Variants in NCAM2 observed in about 807,000 individuals in gnomAD.
NCAM2 encodes neural cell adhesion molecule 2.
In NCAM2, 30 loss-of-function variants were observed where a neutral mutation model predicts 98.1. That is an observed-to-expected ratio of 0.31 (90% CI 0.23 to 0.41). The LOEUF (loss-of-function observed/expected upper bound fraction) is 0.41. Among genes scored for constraint, NCAM2 ranks in the 10% least tolerant of loss-of-function variants. NCAM2 has a pLI of 1.00. For missense variants in NCAM2, 867 were observed against 1,005.8 expected (o/e 0.86, Z 1.87); for synonymous variants, 368 against 342.4 (o/e 1.07, Z -0.83).
chr21:21,057,157 T>C (rs1353310276), intron 1 of NCAM2, among the ~76,000 whole-genome samples: 1 of 151,396 alleles, frequency 6.6e-6, no homozygotes, highest in South Asian at 2.1e-4. Context: ...CTAAGAGGAG[T>C]TAAAATGCTT....
chr21:21,079,425 A>G (rs1213943663), intron 1 of NCAM2, among the ~76,000 whole-genome samples: 1 of 152,196 alleles, frequency 6.6e-6, no homozygotes, highest in Non-Finnish European at 1.5e-5. Context: ...AGGAATTTAT[A>G]TCTAGGGGGA....
At chr21:21,201,669 T>C (rs942644046) in intron 1 of NCAM2, among the ~76,000 whole-genome samples, 9 of 152,318 alleles carry the variant, frequency 5.9e-5, no homozygotes, top group African/African-American at 2.2e-4. Context: ...ATATTCATTG[T>C]TGTAATCTTC....
chr21:21,286,765 C>T (rs1450201765), intron 4 of NCAM2, among the ~76,000 whole-genome samples: 1 of 151,712 alleles, frequency 6.6e-6, no homozygotes, highest in East Asian at 1.9e-4. Context: ...TCATTAGTAC[C>T]TGGAGATTTA....
At chr21:21,259,111 G>A (rs1250995755) in intron 1 of NCAM2, among the ~76,000 whole-genome samples, 2 of 152,072 alleles carry the variant, frequency 1.3e-5, no homozygotes, top group African/African-American at 4.8e-5. Flanking sequence ...ACTTTTTGCG[G>A]TGGCTCCACT....
chr21:21,063,421 A>G (rs375314501), intron 1 of NCAM2, among the ~76,000 whole-genome samples: 18 of 151,746 alleles, frequency 1.2e-4, no homozygotes, highest in African/African-American at 4.1e-4. Context: ...GAGTTTCACC[A>G]TGTTGGCCAG....
At chr21:21,506,378 A>G (rs941740943) in intron 15 of NCAM2, among the ~76,000 whole-genome samples, 3 of 152,146 alleles carry the variant, frequency 2.0e-5, no homozygotes, top group African/African-American at 7.2e-5. Context: ...CTGTATTGTA[A>G]TGATAGATTC....
chr21:21,152,137 AT>A (rs886307808), intron 1 of NCAM2, among the ~76,000 whole-genome samples: 1 of 151,346 alleles, frequency 6.6e-6, no homozygotes, highest in African/African-American at 2.4e-5. Flanking sequence ...TTGCTCATTT[AT>A]TTTTTTCTCT....
intron 8 of NCAM2, among the ~76,000 whole-genome samples, chr21:21,343,020 ACT>A (rs888038965): frequency 3.3e-5 from 5 of 152,126 alleles, no homozygotes; most frequent in African/African-American, 1.2e-4. Context: ...TATGGCTGGC[ACT>A]CTCATAGGAA....
intron 1 of NCAM2, among the ~76,000 whole-genome samples, chr21:21,010,808 T>G (rs1249753153): frequency 6.6e-6 from 1 of 152,106 alleles, no homozygotes; most frequent in Admixed American, 6.6e-5. Flanking sequence ...AAAGTGTCAT[T>G]ACTAATTAGA....
intron 1 of NCAM2, among the ~76,000 whole-genome samples, chr21:21,192,027 TC>T (rs2068839455): frequency 6.6e-6 from 1 of 151,958 alleles, no homozygotes; most frequent in South Asian, 2.1e-4. Context: ...TTTGAGACCA[TC>T]CTGGCTAACA....
At chr21:21,227,621 A>C (rs1421970257) in intron 1 of NCAM2, among the ~76,000 whole-genome samples, 1 of 151,910 alleles carries the variant, frequency 6.6e-6, no homozygotes, top group Non-Finnish European at 1.5e-5. Context: ...AATGTTGATG[A>C]ATAGCAAAGA....
At position 21,356,213 on chromosome 21, in the gene NCAM2, G is replaced by T. The variant is rs73894625; in HGVS notation, c.1045-17650G>T. 2.1e-3 allele frequency among the ~76,000 whole-genome samples: 323 copies of T among 151,966 alleles called. 1 individual carries two copies. Among genetic ancestry groups the T allele is most frequent in the African/African-American group, 7.3e-3 (302 of 41,446 alleles). On this transcript the variant is annotated intron_variant, in intron 8 of 17. Transcript: ENST00000400546. ...TATAACAATTTAAATATCTCACCACGTAAATATTTCTTACAACACTGCTGC... is the reference window on the plus strand; with the variant it reads ...TATAACAATTTAAATATCTCACCACTTAAATATTTCTTACAACACTGCTGC...
At chr21:21,072,668 G>T (rs544708191) in intron 1 of NCAM2, among the ~76,000 whole-genome samples, 55 of 152,164 alleles carry the variant, frequency 3.6e-4, no homozygotes, top group African/African-American at 1.3e-3. Flanking sequence ...ATTACTAAAA[G>T]AATACAAATT....
chr21:21,079,458 T>C (rs2065747449), intron 1 of NCAM2, among the ~76,000 whole-genome samples: 1 of 152,318 alleles, frequency 6.6e-6, no homozygotes, highest in African/African-American at 2.4e-5. Flanking sequence ...ATGAAAATTG[T>C]GCTAAAAGGA....
chr21:21,088,675 T>C (rs1320250830), intron 1 of NCAM2, among the ~76,000 whole-genome samples: 1 of 152,268 alleles, frequency 6.6e-6, no homozygotes, highest in South Asian at 2.1e-4. Context: ...GCAAACTTAG[T>C]TGAGCCTTTC....
In NCAM2 at chr21:21,275,395, A is replaced by G. The variant is rs562833140; in HGVS notation, c.56-5183A>G. Among the ~76,000 whole-genome samples the G allele has an allele frequency of 7.2e-3, 1,100 of 152,016 alleles. 5 individuals are homozygous for G. Among genetic ancestry groups the G allele is most frequent in the Non-Finnish European group, 0.013 (859 of 67,946 alleles). On this transcript the variant is annotated intron_variant, in intron 1 of 17. Coordinates refer to ENST00000400546, the MANE Select transcript of NCAM2 (RefSeq NM_004540.5). ...GCGGAGCTTGCAGTGAGCTGAGATCATGCCACTGCACTCCAGCCTGGGCGA... is the reference window on the plus strand; with the variant it reads ...GCGGAGCTTGCAGTGAGCTGAGATCGTGCCACTGCACTCCAGCCTGGGCGA...
At chr21:21,292,985 G>A (rs1337873542) in intron 5 of NCAM2, among the ~76,000 whole-genome samples, 1 of 151,836 alleles carries the variant, frequency 6.6e-6, no homozygotes, top group Non-Finnish European at 1.5e-5. Context: ...GAGAAAGAGT[G>A]AAGAAATGCC....
At chr21:21,349,727 G>T (rs1382111811) in intron 8 of NCAM2, among the ~76,000 whole-genome samples, 2 of 152,036 alleles carry the variant, frequency 1.3e-5, no homozygotes, top group African/African-American at 4.8e-5. Context: ...ACACAGTTGG[G>T]TACTATTCAG....
At chr21:21,135,535 C>T (rs2067030712) in intron 1 of NCAM2, among the ~76,000 whole-genome samples, 1 of 152,166 alleles carries the variant, frequency 6.6e-6, no homozygotes, top group Non-Finnish European at 1.5e-5. Flanking sequence ...TTTATCCCTG[C>T]TTCAAGTCTG....
Sources: gnomAD v4.1 joint callset for allele counts (sites outside exome capture counted in the v4.1 genomes callset) on GRCh38, gnomAD v4.1.1 for gene constraint, MANE v1.5 for transcripts, NCBI Gene and HGNC (gene_info 2026-07-23, HGNC 2026-07-21) for gene names.